The following SEMA3A variants were observed in gnomAD, a reference collection of about 807,000 sequenced individuals.
SEMA3A encodes the protein semaphorin 3A.
A neutral mutation model predicts 97.9 loss-of-function variants in SEMA3A; 29 were observed. That is an observed-to-expected ratio of 0.30 (90% CI 0.22 to 0.40). The LOEUF is 0.40. SEMA3A is among the 10% of genes least tolerant of loss of function. The probability of loss-of-function intolerance (pLI) is 1.00; values close to 1 mark genes in which losing one functional copy is unlikely to be tolerated. For missense variants in SEMA3A, 763 were observed against 951.3 expected, an observed-to-expected ratio of 0.80 and a Z score of 2.60; for synonymous variants, 321 against 323.7, an observed-to-expected ratio of 0.99 and a Z score of 0.09.
intron 3 of SEMA3A, among the ~76,000 whole-genome samples, chr7:84,233,962 C>A (rs904799185): frequency 6.6e-6 from 1 of 151,214 alleles, no homozygotes; most frequent in Non-Finnish European, 1.5e-5. Context: ...TGAATCTAAC[C>A]GATGCTCTAT....
At position 83,987,359 on chromosome 7, in the gene SEMA3A, C is replaced by T. The variant is rs1584508668; in HGVS notation, c.1453-1882G>A. ...TCCAAATTGTCCACTGAGGTTTGTA[C>T]CAAGAAAAGTACTTATTCATTCCAT... is the stretch of plus-strand genomic sequence containing the variant. On this transcript the variant is annotated intron_variant, in intron 12 of 16. Coordinates refer to ENST00000265362, the MANE Select transcript of SEMA3A (RefSeq NM_006080.3). Among the ~76,000 whole-genome samples, 3 of 152,066 alleles carry T rather than the reference C, an allele frequency of 2.0e-5. No homozygotes were observed. In the East Asian group the frequency reaches 5.8e-4, roughly 29 times the overall value.
At chr7:84,478,166 C>A (rs746332410) in intron 1 of SEMA3A, among the ~76,000 whole-genome samples, 2 of 152,094 alleles carry the variant, frequency 1.3e-5, no homozygotes, top group African/African-American at 4.8e-5. Flanking sequence ...CAGTTCCCTG[C>A]GGGACTTGGA....
intron 3 of SEMA3A, among the ~76,000 whole-genome samples, chr7:84,281,485 A>T (rs538918534): frequency 1.3e-5 from 2 of 152,290 alleles, no homozygotes; most frequent in South Asian, 4.1e-4. Flanking sequence ...CAGGGATTAT[A>T]CTTGGATAGG....
At chr7:84,193,983 C>A (rs1798130879) in intron 1 of SEMA3A, among the ~76,000 whole-genome samples, 1 of 152,164 alleles carries the variant, frequency 6.6e-6, no homozygotes, top group African/African-American at 2.4e-5. Context: ...CCATGATCTA[C>A]TGCTTATGTT....
chr7:84,085,987 G>A (rs191111062), intron 4 of SEMA3A, among the ~76,000 whole-genome samples: 9 of 152,094 alleles, frequency 5.9e-5, no homozygotes, highest in Non-Finnish European at 2.9e-5. Context: ...TAAGAGTTTC[G>A]GCTTCCAAAG....
chr7:84,235,213 G>C (rs1204094342), intron 3 of SEMA3A, among the ~76,000 whole-genome samples: 1 of 151,946 alleles, frequency 6.6e-6, no homozygotes, highest in Non-Finnish European at 1.5e-5. Context: ...TGTAAGTATA[G>C]TAGACTAGTA....
At chr7:83,986,354 T>G (rs1322969505) in intron 12 of SEMA3A, among the ~76,000 whole-genome samples, 3 of 152,204 alleles carry the variant, frequency 2.0e-5, no homozygotes, top group Non-Finnish European at 4.4e-5. Context: ...ATTAACAGGT[T>G]AACATAGAGG....
At chr7:84,223,590 G>C (rs895772517) in intron 3 of SEMA3A, among the ~76,000 whole-genome samples, 1 of 151,778 alleles carries the variant, frequency 6.6e-6, no homozygotes, top group African/African-American at 2.4e-5. Context: ...TCAATATACA[G>C]TGTGTTTCTG....
At chr7:84,068,368 A>G (rs1351655562) in intron 4 of SEMA3A, among the ~76,000 whole-genome samples, 1 of 149,396 alleles carries the variant, frequency 6.7e-6, no homozygotes, top group South Asian at 2.1e-4. Context: ...GCACATGTAT[A>G]CATATGTAAC....
intron 1 of SEMA3A, among the ~76,000 whole-genome samples, chr7:84,457,871 T>A (rs528564023): frequency 6.6e-6 from 1 of 152,034 alleles, no homozygotes; most frequent in Non-Finnish European, 1.5e-5. Flanking sequence ...AACAAGTATA[T>A]ACATCATACA....
At chr7:84,344,399 A>G (rs1336379489) in intron 2 of SEMA3A, among the ~76,000 whole-genome samples, 1 of 152,176 alleles carries the variant, frequency 6.6e-6, no homozygotes, top group Non-Finnish European at 1.5e-5. Context: ...GGTGAGCCCT[A>G]CAATTGCACC....
At chr7:84,424,664 T>A (rs1418752987) in intron 1 of SEMA3A, among the ~76,000 whole-genome samples, 1 of 94,086 alleles carries the variant, frequency 1.1e-5, no homozygotes, top group Non-Finnish European at 1.8e-5. Context: ...TATTATATAA[T>A]ATGTTATATA....
chr7:83,961,778 G>A lies in SEMA3A; in HGVS notation c.1909C>T (p.Arg637Cys), dbSNP rs991346821. The change falls in exon 17 of 17, where the codon CGT becomes TGT. Residue 637 changes from arginine to cysteine, a missense_variant. Around this residue, in one of 2 missense-constraint regions of SEMA3A, gnomAD observed 678 missense variants for 881.3 expected, o/e 0.77. Coordinates refer to ENST00000265362, the MANE Select transcript of SEMA3A (RefSeq NM_006080.3). ...IIRTDQGLLL[R>C]SLQQKDSGNY... ...CCTGAATCCTTCTGTTGTAGACTAC[G>A]TAGCAGAAGGCCTTGATCTGTCCTG... 1.2e-6 allele frequency: 2 copies of A among 1,613,796 alleles called. No individual in the cohort carries two copies. Among genetic ancestry groups the A allele is most frequent in the Admixed American group, 1.7e-5 (1 of 60,014 alleles).
At chr7:84,376,606 A>AC (rs1803109404) in intron 1 of SEMA3A, among the ~76,000 whole-genome samples, 1 of 97,078 alleles carries the variant, frequency 1.0e-5, no homozygotes, top group Non-Finnish European at 2.3e-5. Flanking sequence ...TCCGTCTCAA[A>AC]AAAAAAAAAA....
chr7:84,275,358 T>C (rs1276973312), intron 3 of SEMA3A, among the ~76,000 whole-genome samples: 1 of 152,104 alleles, frequency 6.6e-6, no homozygotes, highest in South Asian at 2.1e-4. Context: ...TCAATGTCAA[T>C]ACAATATCAA....
chr7:84,278,990 A>G (rs959890993), intron 3 of SEMA3A, among the ~76,000 whole-genome samples: 1 of 152,150 alleles, frequency 6.6e-6, no homozygotes, highest in Admixed American at 6.6e-5. Flanking sequence ...TCTAAATAAA[A>G]TAGGTGTTCT....
intron 1 of SEMA3A, among the ~76,000 whole-genome samples, chr7:84,149,283 C>A (rs192216063): frequency 1.3e-5 from 2 of 152,306 alleles, no homozygotes; most frequent in Non-Finnish European, 2.9e-5. Context: ...TTAAATTCTT[C>A]CATTTTGTTT....
chr7:83,995,441 A>G (rs150920137), intron 12 of SEMA3A, among the ~76,000 whole-genome samples: 56 of 152,232 alleles, frequency 3.7e-4, no homozygotes, highest in Non-Finnish European at 2.9e-5. Context: ...TATTCTTAAG[A>G]TCCTAGAATC....
intron 2 of SEMA3A, among the ~76,000 whole-genome samples, chr7:84,333,421 T>C (rs544401018): frequency 1.3e-5 from 2 of 152,084 alleles, no homozygotes; most frequent in South Asian, 4.1e-4. Context: ...ATCATTTACT[T>C]CTTTACCATA....
Sources: gnomAD v4.1 joint callset for allele counts (sites outside exome capture counted in the v4.1 genomes callset) on GRCh38, gnomAD v4.1.1 for gene constraint, gnomAD v4.1.1 regional missense constraint, MANE v1.5 for transcripts, NCBI Gene and HGNC (gene_info 2026-07-23, HGNC 2026-07-21) for gene names.